DLG2: variants seen among roughly 807,000 people sequenced by gnomAD.
DLG2 encodes the protein disks large homolog 2.
A neutral mutation model predicts 132.5 loss-of-function variants in DLG2; 45 were observed. The observed-to-expected ratio is 0.34, with a 90% confidence interval of 0.27 to 0.44. The LOEUF (loss-of-function observed/expected upper bound fraction) is 0.44, where lower values mean the gene tolerates loss of function less well. Among genes scored for constraint, DLG2 ranks in the 20% least tolerant of loss-of-function variants. The pLI, the probability that DLG2 is intolerant of heterozygous loss-of-function variation, is 1.00. For synonymous variants in DLG2, 424 were observed against 419.6 expected, an observed-to-expected ratio of 1.01 and a Z score of -0.13; for missense variants, 1,045 against 1,196.9, an observed-to-expected ratio of 0.87 and a Z score of 1.87.
intron 16 of DLG2, among the ~76,000 whole-genome samples, chr11:83,852,237 C>T (rs1326408651): frequency 1.3e-5 from 2 of 152,184 alleles, no homozygotes; most frequent in Non-Finnish European, 2.9e-5. Context: ...GTAGGGGCTA[C>T]GTGAGCCAAT....
chr11:85,540,367 C>G (rs2075885033), intron 3 of DLG2, among the ~76,000 whole-genome samples: 1 of 152,152 alleles, frequency 6.6e-6, no homozygotes, highest in Admixed American at 6.5e-5. Flanking sequence ...AGCACACTGA[C>G]AGACACCAGC....
chr11:85,285,397 T>C, intron 3 of DLG2, 32 bp from the exon 4 acceptor site: 1 of 1,599,832 alleles, frequency 6.3e-7, no homozygotes, highest in Non-Finnish European at 8.5e-7. Context: ...AGCATCAAAA[T>C]GTAATGCATG....
chr11:84,416,858 A>G (rs1248684709), intron 7 of DLG2, among the ~76,000 whole-genome samples: 1 of 152,252 alleles, frequency 6.6e-6, no homozygotes, highest in Non-Finnish European at 1.5e-5. Flanking sequence ...TACAGTAAAT[A>G]ACAGAAATAA....
intron 7 of DLG2, among the ~76,000 whole-genome samples, chr11:84,463,522 G>T (rs138615456): frequency 2.0e-5 from 3 of 151,088 alleles, no homozygotes; most frequent in Non-Finnish European, 3.0e-5. Flanking sequence ...GCTCAACACC[G>T]CTTGAGACAA....
At position 85,160,348 on chromosome 11, in the gene DLG2, G is replaced by C. The variant is rs147658363; in HGVS notation, c.187-5697C>G. The stretch of plus-strand genomic sequence containing the variant: ...GTGCTTGAGATGTCAGGGGCAGATA[G>C]GGATGCTGTTTGGAGCCTTCGGCAG... On this transcript the variant is annotated intron_variant, in intron 4 of 27. Coordinates refer to ENST00000376104, the MANE Select transcript of DLG2 (RefSeq NM_001142699.3). 7.1e-3 allele frequency among the ~76,000 whole-genome samples: 1,084 copies of C among 152,352 alleles called. 10 individuals are homozygous for C. Among genetic ancestry groups the C allele is most frequent in the Admixed American group, 0.011 (174 of 15,304 alleles).
intron 19 of DLG2, among the ~76,000 whole-genome samples, chr11:83,600,238 T>G (rs11600390): frequency 8.4e-5 from 12 of 142,278 alleles, no homozygotes; most frequent in Admixed American, 1.4e-4. Flanking sequence ...AGCTATAGGG[T>G]GTGTGTGTGT....
chr11:85,089,123 A>AT (rs200146393), intron 6 of DLG2, among the ~76,000 whole-genome samples: 67 of 150,126 alleles, frequency 4.5e-4, no homozygotes, highest in East Asian at 1.2e-3. Flanking sequence ...TAAACTTCTA[A>AT]TTTTTTTTTT....
At chr11:84,498,165 A>C (rs1031356545) in intron 7 of DLG2, among the ~76,000 whole-genome samples, 1 of 152,188 alleles carries the variant, frequency 6.6e-6, no homozygotes, top group South Asian at 2.1e-4. Context: ...GGCAACAATG[A>C]GTAGTTTATA....
intron 4 of DLG2, among the ~76,000 whole-genome samples, chr11:85,202,135 A>G (rs1003371594): frequency 6.0e-5 from 9 of 150,582 alleles, no homozygotes; most frequent in Non-Finnish European, 8.8e-5. Flanking sequence ...CAATGTGATA[A>G]AAAGCTTATT....
In DLG2 at chr11:85,114,309, G is replaced by C. The variant is rs139118258; in HGVS notation, c.283-2574C>G. On this transcript the variant is annotated intron_variant, in intron 5 of 27. Coordinates refer to ENST00000376104, the MANE Select transcript of DLG2 (RefSeq NM_001142699.3). ...GAACCAGAATAAACACTAGGGGAAAGGACACTATCATGTCTAACTCTTAGT... is the reference window on the plus strand; with the variant it reads ...GAACCAGAATAAACACTAGGGGAAACGACACTATCATGTCTAACTCTTAGT... Among the ~76,000 whole-genome samples the C allele has an allele frequency of 1.1e-3, 161 of 152,016 alleles. 1 individual carries two copies. The highest frequency in any genetic ancestry group is 1.6e-3 in the Non-Finnish European group (107 of 67,906).
intron 3 of DLG2, among the ~76,000 whole-genome samples, chr11:85,559,177 T>C (rs2077090871): frequency 6.7e-6 from 1 of 148,402 alleles, no homozygotes; most frequent in Non-Finnish European, 1.5e-5. Context: ...TTTGAGACGG[T>C]GTCTTGCTCT....
chr11:85,421,134 A>C (rs1399563080), intron 3 of DLG2, among the ~76,000 whole-genome samples: 2 of 152,182 alleles, frequency 1.3e-5, no homozygotes, highest in African/African-American at 4.8e-5. Flanking sequence ...TGGGTTGTGA[A>C]GACCACGGGA....
chr11:83,797,718 C>CCA (rs2043204875), intron 17 of DLG2, among the ~76,000 whole-genome samples: 1 of 152,054 alleles, frequency 6.6e-6, no homozygotes, highest in Non-Finnish European at 1.5e-5. Flanking sequence ...TGGGGTTTCA[C>CCA]TGTATTAGCC....
chr11:85,208,459 T>G (rs1320964826), intron 4 of DLG2, among the ~76,000 whole-genome samples: 1 of 128,446 alleles, frequency 7.8e-6, no homozygotes, highest in Non-Finnish European at 1.6e-5. Context: ...AAAAACAATT[T>G]CAATTTCAAT....
chr11:84,103,143 A>G (rs2154184151), intron 9 of DLG2, among the ~76,000 whole-genome samples: 1 of 152,242 alleles, frequency 6.6e-6, no homozygotes, highest in South Asian at 2.1e-4. Context: ...ATCTGAATTC[A>G]GCTAAGGAAA....
At chr11:84,959,260 C>T (rs899586812) in intron 6 of DLG2, among the ~76,000 whole-genome samples, 3 of 152,088 alleles carry the variant, frequency 2.0e-5, no homozygotes, top group Non-Finnish European at 4.4e-5. Flanking sequence ...TCCATTCAGA[C>T]ATCTAAAAAT....
chr11:85,481,860 G>A (rs2093301261), intron 3 of DLG2, among the ~76,000 whole-genome samples: 1 of 152,004 alleles, frequency 6.6e-6, no homozygotes, highest in Non-Finnish European at 1.5e-5. Flanking sequence ...TGCCAGACCA[G>A]CCCCCTGCAG....
chr11:85,181,860 T>G (rs117826257), intron 4 of DLG2, among the ~76,000 whole-genome samples: 2 of 151,748 alleles, frequency 1.3e-5, no homozygotes, highest in Non-Finnish European at 3.0e-5. Flanking sequence ...TAGCAGGAGA[T>G]CATCGTCCCT....
chr11:84,215,570 C>G (rs2154317455), intron 8 of DLG2, among the ~76,000 whole-genome samples: 1 of 152,220 alleles, frequency 6.6e-6, no homozygotes. Flanking sequence ...AAGATCCTGC[C>G]TAACTTCAAA....
Sources: gnomAD v4.1 joint callset for allele counts (sites outside exome capture counted in the v4.1 genomes callset) on GRCh38, gnomAD v4.1.1 for gene constraint, MANE v1.5 for transcripts, NCBI Gene and HGNC (gene_info 2026-07-23, HGNC 2026-07-21) for gene names.